Variants in DSCAM observed in about 807,000 individuals in gnomAD.
DSCAM encodes the protein DS cell adhesion molecule, also known as cell adhesion molecule DSCAM.
In DSCAM, 47 loss-of-function variants were observed where a neutral mutation model predicts 217.7. The ratio of observed to expected loss-of-function variants is 0.22; its 90% CI spans 0.17 to 0.28. DSCAM has a LOEUF of 0.28. DSCAM is among the 10% of genes least tolerant of loss of function. The probability of loss-of-function intolerance (pLI) is 1.00; values close to 1 mark genes in which losing one functional copy is unlikely to be tolerated. For missense variants in DSCAM, 2,080 were observed against 2,618.3 expected (o/e 0.79, Z 4.49); for synonymous variants, 1,056 against 1,015.3 (o/e 1.04, Z -0.76).
intron 20 of DSCAM, among the ~76,000 whole-genome samples, chr21:40,117,569 T>C (rs749742600): frequency 3.3e-5 from 5 of 152,142 alleles, no homozygotes; most frequent in Non-Finnish European, 7.3e-5. Context: ...AATTAACTGA[T>C]GCAAAACAGT....
intron 3 of DSCAM, among the ~76,000 whole-genome samples, chr21:40,612,160 C>G (rs1223395729): frequency 1.3e-5 from 2 of 152,126 alleles, no homozygotes; most frequent in Admixed American, 6.5e-5. Flanking sequence ...TGATCCAACA[C>G]GATTTTATAG....
intron 9 of DSCAM, among the ~76,000 whole-genome samples, chr21:40,304,568 C>T (rs1224175717): frequency 6.6e-6 from 1 of 152,242 alleles, no homozygotes; most frequent in Non-Finnish European, 1.5e-5. Flanking sequence ...TCTTGGCTTT[C>T]AAATGCCTTC....
At chr21:40,540,766 C>T (rs1203193758) in intron 3 of DSCAM, among the ~76,000 whole-genome samples, 1 of 152,106 alleles carries the variant, frequency 6.6e-6, no homozygotes, top group Non-Finnish European at 1.5e-5. Flanking sequence ...GATCCCTCTT[C>T]GATCAACTTC....
intron 1 of DSCAM, among the ~76,000 whole-genome samples, chr21:40,844,002 A>C (rs2092124445): frequency 6.6e-6 from 1 of 152,118 alleles, no homozygotes; most frequent in Admixed American, 6.6e-5. Flanking sequence ...CATGTCAGGC[A>C]TTTTGATGCT....
At chr21:40,475,690 G>C (rs952339326) in intron 3 of DSCAM, among the ~76,000 whole-genome samples, 1 of 152,120 alleles carries the variant, frequency 6.6e-6, no homozygotes, top group African/African-American at 2.4e-5. Context: ...AATTAGCCGG[G>C]CTTGGTGGCA....
Position 40,075,067 on chromosome 21 carries a change from G to T in DSCAM, c.4858C>A (p.Arg1620=), listed in dbSNP as rs201077680. The T allele has an allele frequency of 4.1e-4, 655 of 1,614,132 alleles. 3 individuals carry two copies. Among genetic ancestry groups the T allele is most frequent in the Middle Eastern group, 1.8e-3 (11 of 6,058 alleles). ...FVLLLVVRRR[R]REQRLKRLRD... ...AGCCTCTTTAGCCTCTGCTCCCGCC[G>T]CCTCCTCCGCACAACCAGCAGGAGC... Residue 1620 remains arginine, a synonymous_variant, in exon 27 of 33, where the codon CGG becomes AGG. Coordinates refer to ENST00000400454, the MANE Select transcript of DSCAM (RefSeq NM_001389.5).
chr21:40,667,345 A>G (rs2146393156), intron 3 of DSCAM, among the ~76,000 whole-genome samples: 2 of 152,346 alleles, frequency 1.3e-5, no homozygotes, highest in South Asian at 4.1e-4. Context: ...AGTCCCGAGC[A>G]GGAGAAATGT....
chr21:40,278,417 A>C (rs1377495862), intron 10 of DSCAM, among the ~76,000 whole-genome samples: 1 of 152,168 alleles, frequency 6.6e-6, no homozygotes, highest in Non-Finnish European at 1.5e-5. Flanking sequence ...ATACAGAAAC[A>C]AAATAGCATG....
At chr21:40,444,483 G>A (rs1264705058) in intron 3 of DSCAM, among the ~76,000 whole-genome samples, 1 of 152,188 alleles carries the variant, frequency 6.6e-6, no homozygotes, top group African/African-American at 2.4e-5. Flanking sequence ...ACCTAAACCG[G>A]TTGAGCATAG....
chr21:40,673,468 C>T (rs1330326868), intron 3 of DSCAM, among the ~76,000 whole-genome samples: 2 of 152,090 alleles, frequency 1.3e-5, no homozygotes, highest in Admixed American at 1.3e-4. Flanking sequence ...CTTAAACAAC[C>T]TCAATTTTAT....
intron 3 of DSCAM, among the ~76,000 whole-genome samples, chr21:40,483,575 T>C (rs1245750365): frequency 2.0e-5 from 3 of 152,190 alleles, no homozygotes; most frequent in Non-Finnish European, 4.4e-5. Context: ...AATTTTTTTC[T>C]TTTTATTTTC....
intron 9 of DSCAM, among the ~76,000 whole-genome samples, chr21:40,308,563 C>T (rs1027292583): frequency 6.6e-6 from 1 of 152,132 alleles, no homozygotes; most frequent in Non-Finnish European, 1.5e-5. Context: ...TCCTTCAATA[C>T]CCAGTAATCA....
At chr21:40,399,063 A>C (rs1000999222) in intron 3 of DSCAM, among the ~76,000 whole-genome samples, 7 of 152,188 alleles carry the variant, frequency 4.6e-5, no homozygotes, top group African/African-American at 1.7e-4. Flanking sequence ...TTGAGCCTAC[A>C]AGTTTGAGAC....
chr21:40,311,233 C>T (rs1188871933), intron 9 of DSCAM, among the ~76,000 whole-genome samples: 1 of 152,184 alleles, frequency 6.6e-6, no homozygotes, highest in Non-Finnish European at 1.5e-5. Context: ...TAATATAAAT[C>T]TTTAACTTCA....
chr21:40,493,706 A>G (rs1601688131), intron 3 of DSCAM, among the ~76,000 whole-genome samples: 1 of 151,588 alleles, frequency 6.6e-6, no homozygotes, highest in Admixed American at 6.6e-5. Context: ...TACTAAAAAT[A>G]CAAAAAATTA....
At chr21:40,477,475 C>T (rs201952814) in intron 3 of DSCAM, among the ~76,000 whole-genome samples, 7 of 152,162 alleles carry the variant, frequency 4.6e-5, no homozygotes, top group Admixed American at 6.5e-5. Flanking sequence ...TTCCAAAGGA[C>T]GTGTAAATTT....
At chr21:40,791,229 C>A (rs1252150316) in intron 1 of DSCAM, among the ~76,000 whole-genome samples, 1 of 151,988 alleles carries the variant, frequency 6.6e-6, no homozygotes, top group East Asian at 1.9e-4. Context: ...CCTCTCCAAG[C>A]CATCACGTGG....
chr21:40,347,852 T>C lies in DSCAM; in HGVS notation c.1028A>G (p.Gln343Arg). ...ACCATTGCGGTACCAGGAGAGTTCC[T>C]GGTCCTCAGTTCCTGTCACGCTGCA... is the stretch of plus-strand genomic sequence containing the variant. Reference protein sequence around the residue: ...LSCSVTGTEDQELSWYRNGEI... With the variant: ...LSCSVTGTEDRELSWYRNGEI... Residue 343 changes from glutamine (Q) to arginine (R), a missense_variant, in exon 6 of 33, where the codon CAG (glutamine) becomes CGG (arginine). Physicochemically the swap from Gln to Arg is conservative, Grantham distance 43. Coordinates refer to ENST00000400454, the MANE Select transcript of DSCAM (RefSeq NM_001389.5). The C allele has an allele frequency of 6.2e-7, 1 of 1,614,146 alleles. No homozygotes were observed. Among genetic ancestry groups the C allele is most frequent in the Non-Finnish European group, 8.5e-7 (1 of 1,179,986 alleles).
At chr21:40,541,018 C>T (rs1422530201) in intron 3 of DSCAM, among the ~76,000 whole-genome samples, 2 of 151,812 alleles carry the variant, frequency 1.3e-5, no homozygotes. Context: ...GTGCATATTA[C>T]AAAACTAAAT....
Sources: allele counts gnomAD v4.1 joint callset (sites outside exome capture counted in the v4.1 genomes callset), GRCh38; gene constraint gnomAD v4.1.1; transcripts MANE v1.5; gene names NCBI Gene and HGNC (gene_info 2026-07-23, HGNC 2026-07-21).